The following BBS9 variants were observed in gnomAD, a reference collection of about 807,000 sequenced individuals.
The protein encoded by BBS9 is protein PTHB1.
Under a neutral mutation model 117.7 loss-of-function variants are expected in BBS9, and 89 were observed. That is an observed-to-expected ratio of 0.76 (90% CI 0.64 to 0.90). BBS9 has a LOEUF of 0.90. Ranked by LOEUF, BBS9 falls within the 40% of genes least tolerant of loss-of-function variation. The pLI is 0.00. For missense variants in BBS9, 982 were observed against 1,042.2 expected, an observed-to-expected ratio of 0.94 and a Z score of 0.80; for synonymous variants, 379 against 370.9, an observed-to-expected ratio of 1.02 and a Z score of -0.25.
intron 16 of BBS9, among the ~76,000 whole-genome samples, chr7:33,358,949 ACT>A (rs1345305006): frequency 6.6e-6 from 1 of 151,696 alleles, no homozygotes; most frequent in Admixed American, 6.6e-5. Flanking sequence ...TTTATATATA[ACT>A]CTGAAAAATC....
chr7:33,320,207 C>T (rs1014928211), intron 9 of BBS9, among the ~76,000 whole-genome samples: 1 of 152,098 alleles, frequency 6.6e-6, no homozygotes, highest in African/African-American at 2.4e-5. Flanking sequence ...TTCTTCCTAT[C>T]TATATTTTTG....
Position 33,333,118 on chromosome 7 carries a change from T to A in BBS9, c.1017-3323T>A, listed in dbSNP as rs542193647. Among the ~76,000 whole-genome samples the A allele has an allele frequency of 3.3e-5, 5 of 152,124 alleles. No individual in the cohort carries two copies. The South Asian group carries it at 1.0e-3, about 32-fold the overall frequency. On this transcript the variant is annotated intron_variant, in intron 9 of 22. Coordinates refer to ENST00000242067, the MANE Select transcript of BBS9 (RefSeq NM_198428.3). ...CGTGGTTTTTGCTTACATGGATAAG[T>A]TCTTTAGTGGTGATTTCTGTGATTT...
intron 5 of BBS9, among the ~76,000 whole-genome samples, chr7:33,242,715 AG>A (rs1794739842): frequency 6.6e-6 from 1 of 152,116 alleles, no homozygotes; most frequent in African/African-American, 2.4e-5. Context: ...TTCAGCATCA[AG>A]TTTTGTCTGC....
chr7:33,256,415 G>A (rs945971269), intron 5 of BBS9, among the ~76,000 whole-genome samples: 1 of 152,080 alleles, frequency 6.6e-6, no homozygotes, highest in Non-Finnish European at 1.5e-5. Context: ...TAAATCTATT[G>A]TATCAGTTGA....
At chr7:33,461,472 T>C (rs1397220481) in intron 19 of BBS9, among the ~76,000 whole-genome samples, 1 of 151,656 alleles carries the variant, frequency 6.6e-6, no homozygotes, top group Non-Finnish European at 1.5e-5. Flanking sequence ...CCAAAGTTAC[T>C]TAAAAAAAAA....
intron 21 of BBS9, among the ~76,000 whole-genome samples, chr7:33,572,027 AC>A (rs1190556275): frequency 6.6e-6 from 1 of 151,756 alleles, no homozygotes; most frequent in Non-Finnish European, 1.5e-5. Flanking sequence ...TGAACATTAG[AC>A]CTTATTCCCT....
chr7:33,418,205 GTGTGTTAATGGACAGATCCA>G (rs1563149908), intron 19 of BBS9, among the ~76,000 whole-genome samples: 1 of 152,228 alleles, frequency 6.6e-6, no homozygotes, highest in African/African-American at 2.4e-5. Context: ...GATTACAAAT[GTGTGTTAATGGACAGATCCA>G]TGTGTTCATT....
At chr7:33,596,298 A>T (rs1168180511) in intron 21 of BBS9, among the ~76,000 whole-genome samples, 2 of 129,856 alleles carry the variant, frequency 1.5e-5, no homozygotes, top group African/African-American at 3.3e-5. Context: ...ACACACACAC[A>T]CTTATATATG....
chr7:33,500,508 G>A (rs895370364), intron 19 of BBS9, among the ~76,000 whole-genome samples: 1 of 152,200 alleles, frequency 6.6e-6, no homozygotes, highest in Non-Finnish European at 1.5e-5. Flanking sequence ...GAAGTGGGGG[G>A]ACAGGGGGTC....
chr7:33,433,675 A>G (rs572182703), intron 19 of BBS9, among the ~76,000 whole-genome samples: 41 of 152,296 alleles, frequency 2.7e-4, no homozygotes, highest in African/African-American at 8.7e-4. Context: ...TTTGTTTCAC[A>G]TTCATAGAAG....
chr7:33,572,373 G>C (rs967946527), intron 21 of BBS9, among the ~76,000 whole-genome samples: 4 of 152,090 alleles, frequency 2.6e-5, no homozygotes, highest in African/African-American at 9.6e-5. Flanking sequence ...TACATATCTT[G>C]CCTAGTGTGA....
rs184787785 is a variant in BBS9, at chr7:33,620,003, G to A, written c.2522-15174G>A. On this transcript the variant is annotated intron_variant, in intron 21 of 21. Coordinates refer to the BBS9 transcript ENST00000671952. ...CATAGGAATGAAATAATAAAGATCC[G>A]AGCAGAAATACATAGAGACTAGAAA... is the stretch of plus-strand genomic sequence containing the variant. 3.3e-5 allele frequency among the ~76,000 whole-genome samples: 5 copies of A among 152,046 alleles called. No homozygotes were observed. In the East Asian group the frequency reaches 7.7e-4, roughly 23 times the overall value.
At position 33,540,728 on chromosome 7, in the gene BBS9, A is replaced by G. The variant is rs150085489; in HGVS notation, c.2521+6552A>G. Among the ~76,000 whole-genome samples, 323 of 152,328 alleles carry G rather than the reference A, an allele frequency of 2.1e-3. 1 individual carries two copies. The highest frequency in any genetic ancestry group is 3.1e-3 in the Admixed American group (47 of 15,300). On this transcript the variant is annotated intron_variant, in intron 21 of 22. Transcript: ENST00000242067. The stretch of plus-strand genomic sequence containing the variant: ...GGAAGTTATTAAAAGGGCAATGACC[A>G]TGTGTTTATGGAGCGTGTTTGTATT...
intron 9 of BBS9, among the ~76,000 whole-genome samples, chr7:33,314,849 A>T (rs115311397): frequency 0.012 from 1,780 of 152,284 alleles, 46 homozygotes; most frequent in African/African-American, 0.041. Context: ...GGGGATAGTG[A>T]GGTTATAAAG....
At chr7:33,479,222 GTA>G (rs1333724415) in intron 19 of BBS9, among the ~76,000 whole-genome samples, 10 of 152,206 alleles carry the variant, frequency 6.6e-5, no homozygotes, top group African/African-American at 2.4e-4. Flanking sequence ...TACCCGCTAG[GTA>G]GTTTTTCAAC....
intron 4 of BBS9, among the ~76,000 whole-genome samples, chr7:33,171,683 G>T (rs149115949): frequency 6.6e-6 from 1 of 151,584 alleles, no homozygotes; most frequent in African/African-American, 2.4e-5. Flanking sequence ...TAACATCAAC[G>T]TATACAGACA....
At chr7:33,602,823 A>G (rs1176929412) in intron 21 of BBS9, among the ~76,000 whole-genome samples, 1 of 152,156 alleles carries the variant, frequency 6.6e-6, no homozygotes, top group African/African-American at 2.4e-5. Flanking sequence ...GAGGAGGTGC[A>G]TGCAATCTGT....
chr7:33,372,634 T>C (rs915451362), intron 17 of BBS9, among the ~76,000 whole-genome samples: 1 of 152,168 alleles, frequency 6.6e-6, no homozygotes, highest in African/African-American at 2.4e-5. Flanking sequence ...TATGTCCTTA[T>C]CTGATTTTGT....
At chr7:33,410,410 A>C (rs769273371) in intron 19 of BBS9, among the ~76,000 whole-genome samples, 1 of 152,082 alleles carries the variant, frequency 6.6e-6, no homozygotes, top group Non-Finnish European at 1.5e-5. Flanking sequence ...TCATTTGCCT[A>C]AAATCTTAGT....
Sources: gnomAD v4.1 joint callset for allele counts (sites outside exome capture counted in the v4.1 genomes callset) on GRCh38, gnomAD v4.1.1 for gene constraint, MANE v1.5 for transcripts, NCBI Gene and HGNC (gene_info 2026-07-23, HGNC 2026-07-21) for gene names.